The following FAIM2 variants were observed in gnomAD, a reference collection of about 807,000 sequenced individuals.
The protein encoded by FAIM2 is Fas apoptotic inhibitory molecule 2, also known as protein lifeguard 2.
FAIM2 carries 27 observed loss-of-function variants against 47.4 expected under a neutral mutation model. The observed-to-expected ratio is 0.57, with a 90% CI of 0.42 to 0.78. The LOEUF (loss-of-function observed/expected upper bound fraction) is 0.78. FAIM2 is among the 30% of genes least tolerant of loss of function. The pLI, the probability that FAIM2 is intolerant of heterozygous loss-of-function variation, is 0.00. For synonymous variants in FAIM2, 156 were observed against 159.3 expected (o/e 0.98, Z 0.16); for missense variants, 311 against 389.4 (o/e 0.80, Z 1.69).
rs984613504 is a variant in FAIM2, at chr12:49,874,846, C to T, written c.802-4193G>A. On this transcript the variant is annotated intron_variant, in intron 11 of 11. Coordinates refer to ENST00000320634, the MANE Select transcript of FAIM2 (RefSeq NM_012306.4). The surrounding 1 kb of genome is among the most constrained non-coding windows in gnomAD (Gnocchi z 4.2). ...AGATGCTGAAACAACCCAAACTCTA[C>T]CAACACGGGGGTGGTTAAATAAACT... 1.3e-5 allele frequency among the ~76,000 whole-genome samples: 2 copies of T among 152,210 alleles called. No individual in the cohort carries two copies. Among genetic ancestry groups the T allele is most frequent in the Non-Finnish European group, 2.9e-5 (2 of 68,040 alleles).
At chr12:49,887,982 C>T (rs1946873424) in intron 10 of FAIM2, among the ~76,000 whole-genome samples, 1 of 152,150 alleles carries the variant, frequency 6.6e-6, no homozygotes, top group Admixed American at 6.5e-5. Context: ...TGGAACAGCA[C>T]CTCCCCACTC....
intron 11 of FAIM2, among the ~76,000 whole-genome samples, chr12:49,886,741 G>A (rs775896987): frequency 1.3e-5 from 2 of 152,122 alleles, no homozygotes; most frequent in African/African-American, 2.4e-5. Flanking sequence ...CTTCCAAAGT[G>A]CTGGGATTAT....
chr12:49,893,871 T>C (rs1014600426), intron 5 of FAIM2, among the ~76,000 whole-genome samples: 2 of 152,188 alleles, frequency 1.3e-5, no homozygotes, highest in African/African-American at 2.4e-5. Context: ...ACCTCAGCAA[T>C]AATGCTAATA....
chr12:49,879,221 CAT>C (rs1946777663), intron 11 of FAIM2, among the ~76,000 whole-genome samples: 2 of 51,756 alleles, frequency 3.9e-5, no homozygotes, highest in African/African-American at 2.4e-4. Flanking sequence ...TGTGTATGTG[CAT>C]GTGTGTATGT....
rs1946694679 is a variant in FAIM2 at position 49,870,536 on chromosome 12, A to G, written c.919T>C (p.Phe307Leu). ...CGGTTAGTGCCAAAAAGCTGCAGGAAGAAGGTGAAGATATAGATGATGTCT... is the reference window on the plus strand; with the variant it reads ...CGGTTAGTGCCAAAAAGCTGCAGGAGGAAGGTGAAGATATAGATGATGTCT... ...YLDIIYIFTF[F>L]LQLFGTNRE Residue 307 changes from phenylalanine to leucine, a missense_variant, in exon 12 of 12, where the codon TTC becomes CTC. Transcript: ENST00000320634. 6.2e-7 allele frequency: 1 copy of G among 1,613,884 alleles called. No individual in the cohort carries two copies. Among genetic ancestry groups the G allele is most frequent in the Non-Finnish European group, 8.5e-7 (1 of 1,179,938 alleles).
At chr12:49,875,030 G>A (rs185511994) in intron 11 of FAIM2, among the ~76,000 whole-genome samples, 1 of 152,294 alleles carries the variant, frequency 6.6e-6, no homozygotes, top group Admixed American at 6.5e-5. Flanking sequence ...AGGTCTGGAA[G>A]GAGAGATAAT....
rs1472715336 is a variant in FAIM2 at position 49,868,514 on chromosome 12, T to G, written c.*1990A>C. ...GGAAAGACGGGAGGCCGGGTGGCAC[T>G]GAGGACAAGAAATCCCCAGGACATC... On this transcript the variant is annotated 3_prime_UTR_variant, in exon 12 of 12. Transcript: ENST00000320634. 1 of 152,194 alleles carries G rather than the reference T, an allele frequency of 6.6e-6. No homozygotes were observed. Among genetic ancestry groups the G allele is most frequent in the Non-Finnish European group, 1.5e-5 (1 of 68,046 alleles). 9.4% of individuals were successfully genotyped at this position (152,194 alleles called of 1,614,324 possible).
Position 49,870,102 on chromosome 12 carries a change from C to A in FAIM2, c.*402G>T. 1 of 179,312 alleles carries A rather than the reference C, an allele frequency of 5.6e-6. No individual in the cohort carries two copies. The highest frequency in any genetic ancestry group is 1.2e-5 in the Non-Finnish European group (1 of 85,102). The allele number at this position is 179,312 out of a possible 1,614,324, so 11.1% of individuals were successfully genotyped here. A position where few individuals can be genotyped will look rare whatever the true frequency, so the allele number is the denominator to read the frequency against. On this transcript the variant is annotated 3_prime_UTR_variant, in exon 12 of 12. Coordinates refer to ENST00000320634, the MANE Select transcript of FAIM2 (RefSeq NM_012306.4). ...ACAGACTGGATGCAGGACAGTGTGC[C>A]CTAAGGCCACATGATTGTGCAGCCC...
At chr12:49,893,750 CA>C (rs1261523433) in intron 5 of FAIM2, among the ~76,000 whole-genome samples, 1 of 152,192 alleles carries the variant, frequency 6.6e-6, no homozygotes, top group Non-Finnish European at 1.5e-5. Context: ...TAGTTGGTGC[CA>C]GGGGCTGCTG....
chr12:49,873,940 G>A (rs1288487747), intron 11 of FAIM2, among the ~76,000 whole-genome samples: 2 of 152,204 alleles, frequency 1.3e-5, no homozygotes, highest in Non-Finnish European at 1.5e-5. Context: ...AGTCTAATGA[G>A]GGCAAAAGAC....
intron 11 of FAIM2, among the ~76,000 whole-genome samples, chr12:49,878,060 G>A (rs111203852): frequency 3.1e-5 from 2 of 63,588 alleles, no homozygotes; most frequent in Non-Finnish European, 5.7e-5. Context: ...GTGTATATGT[G>A]CGTGTATGTG....
chr12:49,880,714 A>G (rs1946816431), intron 11 of FAIM2, among the ~76,000 whole-genome samples: 2 of 81,206 alleles, frequency 2.5e-5, no homozygotes, highest in Non-Finnish European at 4.6e-5. Flanking sequence ...ATGTGTGTAC[A>G]TGCGTGTATA....
chr12:49,898,148 C>T (rs1946953492), intron 2 of FAIM2, 58 bp from the exon 3 acceptor site: 10 of 1,249,228 alleles, frequency 8.0e-6, no homozygotes, highest in African/African-American at 1.5e-5. Context: ...AATTACTGTC[C>T]CCAACAGCCC....
At chr12:49,883,404 T>G (rs765105951) in intron 11 of FAIM2, among the ~76,000 whole-genome samples, 39 of 130,448 alleles carry the variant, frequency 3.0e-4, no homozygotes, top group East Asian at 9.0e-4. Context: ...ATGTAGGGGG[T>G]GAGGAGAGGG....
intron 11 of FAIM2, among the ~76,000 whole-genome samples, chr12:49,884,202 C>T (rs139678957): frequency 0.012 from 1,837 of 148,304 alleles, 45 homozygotes; most frequent in African/African-American, 0.043. Flanking sequence ...CCAGCCTGGG[C>T]GACACAGCCA....
intron 11 of FAIM2, among the ~76,000 whole-genome samples, chr12:49,879,936 C>T (rs1946795306): frequency 7.3e-6 from 1 of 136,178 alleles, no homozygotes; most frequent in Non-Finnish European, 1.6e-5. Flanking sequence ...ATGTATGTGC[C>T]CTTGTATATA....
intron 7 of FAIM2, 47 bp from the exon 8 acceptor site, chr12:49,890,201 G>A (rs1946890423): frequency 6.3e-7 from 1 of 1,598,462 alleles, no homozygotes; most frequent in South Asian, 1.1e-5. Context: ...TCAGACGCAG[G>A]GGCCCAGGCA....
intron 11 of FAIM2, among the ~76,000 whole-genome samples, chr12:49,882,513 C>G (rs902339397): frequency 6.6e-6 from 1 of 152,216 alleles, no homozygotes; most frequent in South Asian, 2.1e-4. Context: ...ATGAACACGG[C>G]AGGGGATGGA....
chr12:49,877,997 T>C (rs62648564), intron 11 of FAIM2, among the ~76,000 whole-genome samples: 21,542 of 151,896 alleles, frequency 0.14, 1,699 homozygotes, highest in African/African-American at 0.21. Context: ...TATGTGTATG[T>C]GTGCATGTGC....
Sources: allele counts gnomAD v4.1 joint callset (sites outside exome capture counted in the v4.1 genomes callset), GRCh38; gene constraint gnomAD v4.1.1; non-coding constraint Gnocchi (gnomAD v3.1); transcripts MANE v1.5; gene names NCBI Gene and HGNC (gene_info 2026-07-23, HGNC 2026-07-21).